Variants in FAM110B observed in about 807,000 individuals in gnomAD.
FAM110B encodes family with sequence similarity 110 member B.
Under a neutral mutation model 20.4 loss-of-function variants are expected in FAM110B, and 6 were observed. The ratio of observed to expected loss-of-function variants is 0.29; its 90% CI spans 0.16 to 0.58. The LOEUF is 0.58. FAM110B is among the 20% of genes least tolerant of loss of function. The probability of loss-of-function intolerance (pLI) is 0.90; values close to 1 mark genes in which losing one functional copy is unlikely to be tolerated. For synonymous variants in FAM110B, 226 were observed against 214.1 expected (o/e 1.06, Z -0.49); for missense variants, 434 against 498.2 (o/e 0.87, Z 1.23).
intron 1 of FAM110B, among the ~76,000 whole-genome samples, chr8:58,005,750 C>G (rs1483458170): frequency 6.6e-6 from 1 of 152,142 alleles, no homozygotes; most frequent in African/African-American, 2.4e-5. Context: ...TGAATTATCC[C>G]CAACAAAACT....
chr8:58,112,981 C>G (rs184457879), intron 3 of FAM110B, among the ~76,000 whole-genome samples: 103 of 152,134 alleles, frequency 6.8e-4, no homozygotes, highest in Non-Finnish European at 1.2e-3. Context: ...TCTAGTGAAG[C>G]CCCACTTCTG....
chr8:58,136,210 C>G (rs1045482653), intron 3 of FAM110B, among the ~76,000 whole-genome samples: 13 of 151,984 alleles, frequency 8.6e-5, no homozygotes, highest in African/African-American at 3.1e-4. Context: ...CGGGGTTTCA[C>G]CTTGTTGGCC....
chr8:58,111,121 T>C (rs1164564171), intron 3 of FAM110B, among the ~76,000 whole-genome samples: 5 of 152,234 alleles, frequency 3.3e-5, no homozygotes, highest in African/African-American at 7.2e-5. Context: ...ATAAAAATAA[T>C]TGTATGTTTT....
At chr8:58,005,422 G>A (rs1804381212) in intron 1 of FAM110B, among the ~76,000 whole-genome samples, 1 of 152,154 alleles carries the variant, frequency 6.6e-6, no homozygotes, top group Non-Finnish European at 1.5e-5. Flanking sequence ...AAAATATTGT[G>A]CGAATTACCA....
chr8:58,127,178 C>CT, intron 3 of FAM110B, among the ~76,000 whole-genome samples: 1 of 152,174 alleles, frequency 6.6e-6, no homozygotes, highest in Non-Finnish European at 1.5e-5. Context: ...CTTTGAATTG[C>CT]TTTTGCACCT....
intron 3 of FAM110B, chr8:58,077,184 A>T (rs1024080405): frequency 5.3e-5 from 8 of 152,234 alleles, no homozygotes; most frequent in African/African-American, 1.9e-4. Context: ...GGAGGTTTGC[A>T]TCTGCCATCG....
chr8:58,081,368 G>A (rs1353774031), intron 3 of FAM110B, among the ~76,000 whole-genome samples: 3 of 152,018 alleles, frequency 2.0e-5, no homozygotes, highest in African/African-American at 7.2e-5. Context: ...TACCATGCCT[G>A]GCTAATTTTT....
chr8:58,084,927 T>G (rs1257046797), intron 3 of FAM110B, among the ~76,000 whole-genome samples: 1 of 152,090 alleles, frequency 6.6e-6, no homozygotes, highest in African/African-American at 2.4e-5. Flanking sequence ...AAGGAGTAGG[T>G]TGCACCCTGC....
At chr8:58,004,369 C>A (rs570439394) in intron 1 of FAM110B, among the ~76,000 whole-genome samples, 2 of 152,382 alleles carry the variant, frequency 1.3e-5, no homozygotes, top group South Asian at 2.1e-4. Context: ...GCTCCATATT[C>A]TAGATAACTT....
At chr8:58,041,321 G>A (rs1056696392) in intron 2 of FAM110B, among the ~76,000 whole-genome samples, 5 of 152,110 alleles carry the variant, frequency 3.3e-5, no homozygotes, top group Admixed American at 6.5e-5. Context: ...CGCAGTGTTC[G>A]TTCCAGCAAG....
At chr8:58,095,044 T>C (rs1353290850) in intron 3 of FAM110B, among the ~76,000 whole-genome samples, 2 of 152,194 alleles carry the variant, frequency 1.3e-5, no homozygotes, top group Admixed American at 6.5e-5. Flanking sequence ...CGTAGAGGTG[T>C]TTATAGTATT....
intron 2 of FAM110B, among the ~76,000 whole-genome samples, chr8:58,058,488 A>G (rs1170849117): frequency 6.6e-6 from 1 of 152,210 alleles, no homozygotes; most frequent in Non-Finnish European, 1.5e-5. Flanking sequence ...AAACATAAAG[A>G]AAGATGTTTT....
intron 2 of FAM110B, among the ~76,000 whole-genome samples, chr8:58,043,029 T>C (rs995149726): frequency 2.6e-5 from 4 of 152,212 alleles, no homozygotes; most frequent in African/African-American, 9.7e-5. Context: ...GGGAGTGCGA[T>C]GCACCAGGGA....
intron 2 of FAM110B, among the ~76,000 whole-genome samples, chr8:58,066,129 A>G (rs1805755549): frequency 6.6e-6 from 1 of 152,124 alleles, no homozygotes; most frequent in Non-Finnish European, 1.5e-5. Flanking sequence ...CACCAGTACT[A>G]TAAAAAGCAG....
At chr8:58,059,417 C>T (rs1323052192) in intron 2 of FAM110B, among the ~76,000 whole-genome samples, 1 of 152,136 alleles carries the variant, frequency 6.6e-6, no homozygotes, top group Non-Finnish European at 1.5e-5. Context: ...TCATTGCCAA[C>T]ATTTAGTATT....
intron 2 of FAM110B, among the ~76,000 whole-genome samples, chr8:58,070,677 G>A (rs1805878544): frequency 6.6e-6 from 1 of 152,176 alleles, no homozygotes; most frequent in Non-Finnish European, 1.5e-5. Flanking sequence ...ATCAATTTGG[G>A]TGTCTTTGTA....
intron 2 of FAM110B, among the ~76,000 whole-genome samples, chr8:58,074,657 G>A (rs986738557): frequency 1.4e-4 from 21 of 152,216 alleles, no homozygotes; most frequent in African/African-American, 4.8e-4. Flanking sequence ...TGTTCAGCCA[G>A]TACCTGTTGA....
At chr8:58,134,646 C>G (rs1803567487) in intron 3 of FAM110B, among the ~76,000 whole-genome samples, 1 of 152,234 alleles carries the variant, frequency 6.6e-6, no homozygotes, top group Non-Finnish European at 1.5e-5. Context: ...TAGGTGATCT[C>G]TGCTCTTCAT....
intron 3 of FAM110B, among the ~76,000 whole-genome samples, chr8:58,108,060 G>A (rs1229950954): frequency 6.6e-6 from 1 of 152,068 alleles, no homozygotes; most frequent in African/African-American, 2.4e-5. Flanking sequence ...AGGGGAAGAG[G>A]GCCCTTCTTA....
Sources: gnomAD v4.1 joint callset for allele counts (sites outside exome capture counted in the v4.1 genomes callset) on GRCh38, gnomAD v4.1.1 for gene constraint, MANE v1.5 for transcripts, NCBI Gene and HGNC (gene_info 2026-07-23, HGNC 2026-07-21) for gene names.